Variants in STK26 observed in about 807,000 individuals in gnomAD.
The protein encoded by STK26 is serine/threonine-protein kinase 26.
Under a neutral mutation model 34.7 loss-of-function variants are expected in STK26, and 14 were observed. The ratio of observed to expected loss-of-function variants is 0.40; its 90% CI spans 0.27 to 0.63. STK26 has a LOEUF of 0.63. Among genes scored for constraint, STK26 ranks in the 30% least tolerant of loss-of-function variants. The pLI is 0.38. For missense variants in STK26, 226 were observed against 309.1 expected, an observed-to-expected ratio of 0.73 and a Z score of 2.02; for synonymous variants, 100 against 109.8, an observed-to-expected ratio of 0.91 and a Z score of 0.56.
At chrX:132,053,285 A>G (rs1926749105) in intron 2 of STK26, among the ~76,000 whole-genome samples, 1 of 111,531 alleles carries the variant, frequency 9.0e-6, no homozygotes, top group Non-Finnish European at 1.9e-5. Flanking sequence ...AAAAAAATCC[A>G]ATCAGAGAGA....
chrX:132,052,175 C>A (rs1926715113), intron 2 of STK26, among the ~76,000 whole-genome samples: 1 of 110,651 alleles, frequency 9.0e-6, no homozygotes, highest in African/African-American at 3.3e-5. Context: ...TTTACTTGAT[C>A]TTTTCTCTTG....
At chrX:132,066,574 C>T (rs1041427169) in intron 4 of STK26, among the ~76,000 whole-genome samples, 13 of 112,067 alleles carry the variant, frequency 1.2e-4, no homozygotes, top group African/African-American at 2.9e-4. Context: ...AGAAGTCTCC[C>T]TGCCACAGAG....
chrX:132,069,447 ATATATT>A (rs1234751947), intron 6 of STK26, 25 bp from the exon 7 acceptor site: 11 of 130,571 alleles, frequency 8.4e-5, no homozygotes, highest in African/African-American at 2.9e-4. Flanking sequence ...ATATATATAT[ATATATT>A]ATTTTCTTTT....
chrX:132,064,694 A>G (rs896407425), intron 4 of STK26, among the ~76,000 whole-genome samples: 1 of 111,553 alleles, frequency 9.0e-6, no homozygotes, highest in African/African-American at 3.3e-5. Flanking sequence ...AAGAAGTTGC[A>G]CTAAGTTATT....
At chrX:132,061,101 C>T (rs1395728679) in intron 3 of STK26, among the ~76,000 whole-genome samples, 1 of 112,189 alleles carries the variant, frequency 8.9e-6, no homozygotes, top group Non-Finnish European at 1.9e-5. Context: ...AAAAGGCACA[C>T]ATTGTTTTTA....
Position 132,023,674 on chromosome X carries a change from G to T in STK26, c.42+15G>T. The stretch of plus-strand genomic sequence containing the variant: ...CTGGGATGCAGGTGAGGAAGCGCAG[G>T]CCGCCCCCGCCGCCCACGTGACTGC... On this transcript the variant is annotated intron_variant, in intron 2 of 11. Coordinates refer to ENST00000394334, the MANE Select transcript of STK26 (RefSeq NM_016542.4). 8.5e-7 allele frequency: 1 copy of T among 1,173,116 alleles called. No individual in the cohort carries two copies. Among genetic ancestry groups the T allele is most frequent in the Non-Finnish European group, 1.1e-6 (1 of 876,640 alleles).
intron 7 of STK26, among the ~76,000 whole-genome samples, chrX:132,070,207 T>G (rs1027731703): frequency 8.2e-5 from 9 of 110,188 alleles, no homozygotes; most frequent in African/African-American, 3.0e-4. Context: ...AATTTTTGTA[T>G]TTTTAGTAGA....
At chrX:132,050,497 C>T (rs1241182432) in intron 2 of STK26, among the ~76,000 whole-genome samples, 3 of 111,383 alleles carry the variant, frequency 2.7e-5, no homozygotes, top group East Asian at 2.8e-4. Flanking sequence ...GTCGACCCTG[C>T]GGAACCCACA....
At position 132,068,520 on chromosome X, in the gene STK26, C is replaced by T; in HGVS notation, c.548C>T (p.Pro183Leu). 1 of 1,211,010 alleles carries T rather than the reference C, an allele frequency of 8.3e-7. No individual in the cohort carries two copies. The highest frequency in any genetic ancestry group is 1.1e-6 in the Non-Finnish European group (1 of 895,097). ...QIKRNTFVGT[P>L]FWMAPEVIQQ... ...AAAAGAAATACCTTTGTGGGAACTC[C>T]ATTTTGGATGGCTCCTGAAGTTATT... Residue 183 changes from proline (P) to leucine (L), a missense_variant, in exon 6 of 12, where the codon CCA (proline) becomes CTA (leucine). Around this residue, in one of 2 missense-constraint regions of STK26, gnomAD observed 100 missense variants for 176.7 expected, o/e 0.57. Transcript: ENST00000394334.
intron 3 of STK26, among the ~76,000 whole-genome samples, chrX:132,058,331 G>A (rs1926931562): frequency 9.1e-6 from 1 of 109,920 alleles, no homozygotes. Flanking sequence ...CTGAATCCCG[G>A]TATTTCCAGA....
intron 2 of STK26, among the ~76,000 whole-genome samples, chrX:132,029,137 C>G (rs1023562320): frequency 3.6e-5 from 4 of 111,725 alleles, no homozygotes; most frequent in Non-Finnish European, 1.9e-5. Flanking sequence ...GGACATGTGC[C>G]TTCAACAGTA....
rs1489851143 is a variant in STK26, at chrX:132,074,184, C to T, written c.*25C>T. 8.4e-7 allele frequency: 1 copy of T among 1,195,758 alleles called. No individual in the cohort carries two copies. The highest frequency in any genetic ancestry group is 1.1e-6 in the Non-Finnish European group (1 of 884,992). The stretch of plus-strand genomic sequence containing the variant: ...AGAAACTTATTATTGGCTTCTGTTT[C>T]ATATGGACCCAGAGAGCCCCACCAA... On this transcript the variant is annotated 3_prime_UTR_variant, in exon 12 of 12. Transcript: ENST00000394334.
At chrX:132,070,899 A>C (rs1927392396) in intron 7 of STK26, among the ~76,000 whole-genome samples, 170 bp from the exon 8 acceptor site, 2 of 112,801 alleles carry the variant, frequency 1.8e-5, no homozygotes, top group Admixed American at 9.3e-5. Context: ...GCCTTGAGCC[A>C]CTTCAATAAT....
At chrX:132,056,336 G>A (rs1279259489) in intron 3 of STK26, among the ~76,000 whole-genome samples, 1 of 112,181 alleles carries the variant, frequency 8.9e-6, no homozygotes, top group Non-Finnish European at 1.9e-5. Context: ...CAGTGTGAGA[G>A]CAATGGCTGG....
intron 2 of STK26, among the ~76,000 whole-genome samples, chrX:132,045,905 G>A (rs1025575130): frequency 4.5e-5 from 5 of 112,056 alleles, no homozygotes; most frequent in Admixed American, 9.5e-5. Flanking sequence ...ATAATCTGAC[G>A]TTTCTACTTT....
chrX:132,059,021 C>T (rs1926959359), intron 3 of STK26, among the ~76,000 whole-genome samples: 1 of 111,095 alleles, frequency 9.0e-6, no homozygotes, highest in Admixed American at 9.5e-5. Context: ...TTAAATTGAC[C>T]AACTCATTTA....
At chrX:132,039,381 CCTAACTA>C (rs1453947731) in intron 2 of STK26, among the ~76,000 whole-genome samples, 3 of 111,413 alleles carry the variant, frequency 2.7e-5, no homozygotes, top group African/African-American at 9.8e-5. Context: ...ATCATTTCCT[CCTAACTA>C]CTAGAATGAA....
intron 8 of STK26, 58 bp from the exon 9 acceptor site, chrX:132,072,209 AT>A: frequency 2.1e-6 from 2 of 946,562 alleles, no homozygotes; most frequent in Non-Finnish European, 3.0e-6. Flanking sequence ...TTGATTTGGT[AT>A]TTTTGCCAAG....
intron 2 of STK26, among the ~76,000 whole-genome samples, chrX:132,043,917 G>T (rs1040526149): frequency 9.0e-6 from 1 of 111,634 alleles, no homozygotes; most frequent in Non-Finnish European, 1.9e-5. Flanking sequence ...ACTGTCTCCA[G>T]TTGAAGGAAA....
Sources: gnomAD v4.1 joint callset for allele counts (sites outside exome capture counted in the v4.1 genomes callset) on GRCh38, gnomAD v4.1.1 for gene constraint, gnomAD v4.1.1 regional missense constraint, MANE v1.5 for transcripts, NCBI Gene and HGNC (gene_info 2026-07-23, HGNC 2026-07-21) for gene names.